The following EMC2 variants were observed in gnomAD, a reference collection of about 807,000 sequenced individuals.
EMC2 encodes TPR repeat protein 35.
EMC2 carries 37 observed loss-of-function variants against 51.6 expected under a neutral mutation model. The observed-to-expected ratio is 0.72, with a 90% confidence interval of 0.55 to 0.94. EMC2 has a LOEUF of 0.94. EMC2 is among the 40% of genes least tolerant of loss of function. EMC2 has a pLI of 0.00. For missense variants in EMC2, 359 were observed against 350.9 expected (o/e 1.02, Z -0.18); for synonymous variants, 131 against 112.4 (o/e 1.17, Z -1.04).
At chr8:108,443,763 G>C in intron 1 of EMC2, 65 bp downstream of exon 1, 2 of 1,418,626 alleles carry the variant, frequency 1.4e-6, no homozygotes, top group African/African-American at 1.4e-5. Context: ...GGGAGTACCC[G>C]CTGCTTTCGG....
intron 5 of EMC2, 111 bp from the exon 6 acceptor site, chr8:108,469,715 A>G (rs1352405834): frequency 4.7e-6 from 4 of 844,100 alleles, no homozygotes; most frequent in Non-Finnish European, 5.8e-6. Flanking sequence ...CAGTAGTTCT[A>G]CAATGGAATT....
intron 7 of EMC2, among the ~76,000 whole-genome samples, chr8:108,472,911 A>G (rs1371418036): frequency 1.3e-5 from 2 of 151,994 alleles, no homozygotes; most frequent in Admixed American, 6.6e-5. Context: ...GACAGAGTCT[A>G]CAACATTTCC....
intron 10 of EMC2, among the ~76,000 whole-genome samples, chr8:108,485,556 CACACACACACACAT>C: frequency 6.9e-5 from 1 of 14,570 alleles, no homozygotes; most frequent in East Asian, 1.0e-3. Context: ...TATATATATA[CACACACACACACAT>C]ACACACACAA....
chr8:108,463,368 A>C (rs1342683598), intron 5 of EMC2, among the ~76,000 whole-genome samples: 1 of 151,720 alleles, frequency 6.6e-6, no homozygotes, highest in East Asian at 1.9e-4. Context: ...TTTTTATGTT[A>C]CTCAAGTACC....
intron 5 of EMC2, among the ~76,000 whole-genome samples, chr8:108,462,587 C>T (rs1819355881): frequency 6.6e-6 from 1 of 152,098 alleles, no homozygotes; most frequent in Non-Finnish European, 1.5e-5. Flanking sequence ...CATCTGTACC[C>T]ACTTTCTGTG....
rs968938510 is a variant in EMC2 at position 108,487,340 on chromosome 8, G to A, written c.*742G>A. On this transcript the variant is annotated 3_prime_UTR_variant, in exon 11 of 11. Transcript: ENST00000220853. ...TGAAAGAATATTAAAGAATCATAAA[G>A]AGTAGGGATTAAAGGGGTTGTAGTT... Among the ~76,000 whole-genome samples the A allele has an allele frequency of 6.6e-6, 1 of 151,816 alleles. No homozygotes were observed. Among genetic ancestry groups the A allele is most frequent in the African/African-American group, 2.4e-5 (1 of 41,378 alleles).
At chr8:108,444,137 G>A (rs890371503) in intron 1 of EMC2, among the ~76,000 whole-genome samples, 1 of 152,212 alleles carries the variant, frequency 6.6e-6, no homozygotes, top group African/African-American at 2.4e-5. Flanking sequence ...CAGAAAAGCT[G>A]TGTAAAAGAT....
intron 5 of EMC2, among the ~76,000 whole-genome samples, chr8:108,462,767 C>T (rs149523554): frequency 4.7e-4 from 72 of 151,770 alleles, no homozygotes; most frequent in African/African-American, 1.7e-3. Context: ...GAAGGAGTCT[C>T]GCTCTGTCTC....
At chr8:108,464,816 G>A (rs1048885441) in intron 5 of EMC2, among the ~76,000 whole-genome samples, 1 of 152,172 alleles carries the variant, frequency 6.6e-6, no homozygotes, top group African/African-American at 2.4e-5. Context: ...TTCCGTAAAC[G>A]GTAAATGTGT....
rs1383885964 is a variant in EMC2 at position 108,475,933 on chromosome 8, C to T, written c.561C>T (p.His187=). 6.2e-7 allele frequency: 1 copy of T among 1,600,128 alleles called. No individual in the cohort carries two copies. The highest frequency in any genetic ancestry group is 1.3e-5 in the African/African-American group (1 of 74,168). ...CLEELMMTNP[H]NHLYCQQYAE... ...AGGAACTAATGATGACTAATCCACA[C>T]AACCACTTATACTGTCAGCAGTATG... is the stretch of plus-strand genomic sequence containing the variant. Residue 187 remains histidine, a synonymous_variant, in exon 8 of 11, where the codon CAC becomes CAT. Transcript: ENST00000220853.
intron 3 of EMC2, 67 bp downstream of exon 3, chr8:108,450,559 T>C (rs1386111098): frequency 1.1e-6 from 1 of 949,496 alleles, no homozygotes; most frequent in African/African-American, 1.6e-5. Flanking sequence ...TAAGACTTAA[T>C]GTATGGCTTA....
In EMC2 at chr8:108,455,405, T is replaced by G. The variant is rs557568753; in HGVS notation, c.306-468T>G. Among the ~76,000 whole-genome samples, 121 of 152,316 alleles carry G rather than the reference T, an allele frequency of 7.9e-4. 1 individual carries two copies. The highest frequency in any genetic ancestry group is 2.8e-3 in the African/African-American group (115 of 41,586). On this transcript the variant is annotated intron_variant, in intron 4 of 10. Coordinates refer to ENST00000220853, the MANE Select transcript of EMC2 (RefSeq NM_014673.5). ...TTGATTTCCAGTATTTTCTTTTGAT[T>G]CTTTTTTAGAGTTTCCATCTCTGTT...
chr8:108,469,793 A>C (rs998999930), intron 5 of EMC2, 33 bp from the exon 6 acceptor site: 8 of 1,561,798 alleles, frequency 5.1e-6, no homozygotes, highest in East Asian at 2.2e-5. Context: ...AGGAATCATA[A>C]GGGCCTAATC....
At chr8:108,475,796 A>C in intron 7 of EMC2, 86 bp from the exon 8 acceptor site, 1 of 702,538 alleles carries the variant, frequency 1.4e-6, no homozygotes, top group South Asian at 1.7e-5. Flanking sequence ...AACATGACTA[A>C]AGTTGTTTTT....
intron 5 of EMC2, among the ~76,000 whole-genome samples, chr8:108,456,803 G>T (rs1166954261): frequency 6.6e-6 from 1 of 152,094 alleles, no homozygotes; most frequent in Non-Finnish European, 1.5e-5. Flanking sequence ...AGAGACTTTA[G>T]ATAATACATC....
At chr8:108,445,093 A>G (rs781074904) in intron 1 of EMC2, among the ~76,000 whole-genome samples, 3 of 152,368 alleles carry the variant, frequency 2.0e-5, no homozygotes, top group South Asian at 2.1e-4. Context: ...GTAGCTGTAT[A>G]CTACCAACAG....
intron 7 of EMC2, among the ~76,000 whole-genome samples, chr8:108,471,614 C>T (rs1312273821): frequency 6.6e-6 from 1 of 151,678 alleles, no homozygotes; most frequent in Non-Finnish European, 1.5e-5. Context: ...ATATTTTGTT[C>T]AAAAATTTCT....
At chr8:108,483,418 C>A (rs1389517146) in intron 10 of EMC2, among the ~76,000 whole-genome samples, 1 of 152,144 alleles carries the variant, frequency 6.6e-6, no homozygotes, top group Non-Finnish European at 1.5e-5. Context: ...GACAGACAAG[C>A]ACTGATCTGA....
intron 10 of EMC2, among the ~76,000 whole-genome samples, chr8:108,482,383 C>T (rs1404641743): frequency 1.3e-5 from 2 of 151,878 alleles, no homozygotes; most frequent in East Asian, 1.9e-4. Context: ...CTTTTTTGCT[C>T]ATATGATCTT....
Sources: allele counts gnomAD v4.1 joint callset (sites outside exome capture counted in the v4.1 genomes callset), GRCh38; gene constraint gnomAD v4.1.1; transcripts MANE v1.5; gene names NCBI Gene and HGNC (gene_info 2026-07-23, HGNC 2026-07-21).